GSK3B: variants seen among roughly 807,000 people sequenced by gnomAD.
GSK3B encodes the protein glycogen synthase kinase-3 beta.
In GSK3B, 15 loss-of-function variants were observed where a neutral mutation model predicts 56.4. The ratio of observed to expected loss-of-function variants is 0.27; its 90% CI spans 0.18 to 0.41. GSK3B has a LOEUF of 0.41. Ranked by LOEUF, GSK3B falls within the 10% of genes least tolerant of loss-of-function variation. The pLI, the probability that GSK3B is intolerant of heterozygous loss-of-function variation, is 1.00. For missense variants in GSK3B, 300 were observed against 513.4 expected, an observed-to-expected ratio of 0.58 and a Z score of 4.02; for synonymous variants, 181 against 188.9, an observed-to-expected ratio of 0.96 and a Z score of 0.34.
In GSK3B at chr3:120,066,199, C is replaced by T. The variant is rs1364255420; in HGVS notation, c.88+27148G>A. On this transcript the variant is annotated intron_variant, in intron 1 of 10. Coordinates refer to ENST00000264235, the MANE Select transcript of GSK3B (RefSeq NM_001146156.2). Reference sequence around the variant, plus strand: ...AAAAGATCCTAAAAACAACCACCAACCCAGAGCAACAAACACTCAAACTGT... The same window carrying T: ...AAAAGATCCTAAAAACAACCACCAATCCAGAGCAACAAACACTCAAACTGT... Among the ~76,000 whole-genome samples the T allele has an allele frequency of 2.0e-5, 3 of 152,120 alleles. No individual in the cohort carries two copies. In the East Asian group the frequency reaches 5.8e-4, roughly 29 times the overall value.
At chr3:120,010,089 T>C (rs112014737) in intron 1 of GSK3B, among the ~76,000 whole-genome samples, 5 of 152,328 alleles carry the variant, frequency 3.3e-5, no homozygotes, top group Admixed American at 2.6e-4. Context: ...CAGTATTATA[T>C]ATGCTTTAAA....
intron 9 of GSK3B, among the ~76,000 whole-genome samples, chr3:119,845,285 C>T (rs2055839856): frequency 6.6e-6 from 1 of 152,194 alleles, no homozygotes; most frequent in Admixed American, 6.5e-5. Flanking sequence ...CTCACCACTC[C>T]TATTCAACAT....
intron 7 of GSK3B, among the ~76,000 whole-genome samples, chr3:119,894,187 TTTTA>T (rs148704988): frequency 0.012 from 1,847 of 152,220 alleles, 32 homozygotes; most frequent in African/African-American, 0.042. Context: ...TTGCTAGAAA[TTTTA>T]TTTGTTCCTT....
chr3:119,869,223 CAA>C (rs67194724), intron 8 of GSK3B, among the ~76,000 whole-genome samples: 6 of 54,844 alleles, frequency 1.1e-4, no homozygotes, highest in South Asian at 1.1e-3. Flanking sequence ...GATTCCATCT[CAA>C]AAAAAAAAAA....
chr3:120,022,523 C>G (rs763727400), intron 1 of GSK3B, among the ~76,000 whole-genome samples: 3 of 152,144 alleles, frequency 2.0e-5, no homozygotes, highest in Non-Finnish European at 4.4e-5. Context: ...CTTCCTCCCT[C>G]TAAAAACTTG....
chr3:120,029,544 T>C (rs2057957845), intron 1 of GSK3B: 1 of 616,222 alleles, frequency 1.6e-6, no homozygotes. Flanking sequence ...ATAGGGACCA[T>C]CACTTGGTGC....
chr3:120,021,268 G>A (rs1000235518), intron 1 of GSK3B, among the ~76,000 whole-genome samples: 32 of 151,940 alleles, frequency 2.1e-4, no homozygotes, highest in Non-Finnish European at 3.2e-4. Flanking sequence ...CACTTTGGGA[G>A]GCCGAGGCAG....
chr3:119,905,129 A>C (rs575816791), intron 7 of GSK3B, among the ~76,000 whole-genome samples: 11 of 151,962 alleles, frequency 7.2e-5, no homozygotes, highest in African/African-American at 2.6e-4. Context: ...TATGTATGCA[A>C]AGCTGAATGA....
At chr3:119,925,504 T>C (rs571748868) in intron 3 of GSK3B, among the ~76,000 whole-genome samples, 171 of 152,174 alleles carry the variant, frequency 1.1e-3, no homozygotes, top group Non-Finnish European at 2.2e-3. Context: ...TATCTCCATA[T>C]ACTCTTATTT....
At chr3:119,958,788 C>A (rs75612888) in intron 2 of GSK3B, among the ~76,000 whole-genome samples, 1 of 80,530 alleles carries the variant, frequency 1.2e-5, no homozygotes. Flanking sequence ...TCACTTTTTT[C>A]ATGAAAAGAG....
At chr3:120,074,352 C>CTTT (rs61588608) in intron 1 of GSK3B, among the ~76,000 whole-genome samples, 3 of 134,790 alleles carry the variant, frequency 2.2e-5, no homozygotes, top group Non-Finnish European at 1.6e-5. Flanking sequence ...TCATGAGAAA[C>CTTT]TTTTTTTTTT....
At position 119,821,984 on chromosome 3, in the gene GSK3B, T is replaced by G. The variant is rs1007488417; in HGVS notation, c.*4804A>C. ...TTTCATTTCCAGGCTAACCTACTTT[T>G]TATTTAATGCAAATTACAGTACCAG... On this transcript the variant is annotated 3_prime_UTR_variant, in exon 11 of 11. Transcript: ENST00000264235. 1.1e-5 allele frequency: 2 copies of G among 188,066 alleles called. No homozygotes were observed. Among genetic ancestry groups the G allele is most frequent in the African/African-American group, 2.3e-5 (1 of 42,864 alleles). The allele number at this position is 188,066 out of a possible 1,614,324, so 11.6% of individuals were successfully genotyped here.
rs540331790 is a variant in GSK3B at position 120,088,270 on chromosome 3, T to C, written c.88+5077A>G. ...GTATATTGGAATAATTTACTAAAAA[T>C]GTCCATTATGTACTGAGTATTAGCT... On this transcript the variant is annotated intron_variant, in intron 1 of 10. Coordinates refer to ENST00000264235, the MANE Select transcript of GSK3B (RefSeq NM_001146156.2). Among the ~76,000 whole-genome samples, 13 of 148,310 alleles carry C rather than the reference T, an allele frequency of 8.8e-5. 1 individual carries two copies. Among genetic ancestry groups the C allele is most frequent in the Middle Eastern group, 3.4e-3 (1 of 292 alleles).
At chr3:119,915,756 G>T (rs2056774497) in intron 5 of GSK3B, among the ~76,000 whole-genome samples, 1 of 151,954 alleles carries the variant, frequency 6.6e-6, no homozygotes, top group Non-Finnish European at 1.5e-5. Context: ...TCCTACTAAT[G>T]GATGCTTATA....
intron 1 of GSK3B, among the ~76,000 whole-genome samples, chr3:120,052,156 T>G (rs1048517081): frequency 3.3e-5 from 5 of 152,242 alleles, no homozygotes; most frequent in African/African-American, 1.2e-4. Flanking sequence ...CATCCATTGA[T>G]GTTTTACTAT....
chr3:119,936,653 T>C (rs2056997903), intron 3 of GSK3B, among the ~76,000 whole-genome samples: 1 of 151,700 alleles, frequency 6.6e-6, no homozygotes, highest in Non-Finnish European at 1.5e-5. Flanking sequence ...TAGCCTTGGG[T>C]ATCGTATGTT....
At chr3:119,885,401 A>T (rs1053493822) in intron 7 of GSK3B, among the ~76,000 whole-genome samples, 4 of 152,162 alleles carry the variant, frequency 2.6e-5, no homozygotes, top group African/African-American at 9.7e-5. Context: ...TTCCATGCTC[A>T]TGGATTGGAA....
intron 2 of GSK3B, among the ~76,000 whole-genome samples, chr3:120,000,994 G>A (rs1223768041): frequency 3.5e-5 from 5 of 141,000 alleles, no homozygotes; most frequent in Non-Finnish European, 6.0e-5. Context: ...GCGCGATCTC[G>A]GCTCACTACA....
intron 2 of GSK3B, among the ~76,000 whole-genome samples, chr3:119,965,849 T>C (rs1256605580): frequency 2.0e-5 from 3 of 151,696 alleles, no homozygotes; most frequent in African/African-American, 7.2e-5. Flanking sequence ...GGTAGTAACA[T>C]GGTCAGTGCC....
Sources: allele counts gnomAD v4.1 joint callset (sites outside exome capture counted in the v4.1 genomes callset), GRCh38; gene constraint gnomAD v4.1.1; transcripts MANE v1.5; gene names NCBI Gene and HGNC (gene_info 2026-07-23, HGNC 2026-07-21).